The following CSRNP3 variants were observed in gnomAD, a reference collection of about 807,000 sequenced individuals.
The protein encoded by CSRNP3 is cysteine and serine rich nuclear protein 3, also known as cysteine/serine-rich nuclear protein 3.
In CSRNP3, 12 loss-of-function variants were observed where a neutral mutation model predicts 48.0. The ratio of observed to expected loss-of-function variants is 0.25; its 90% CI spans 0.16 to 0.41. CSRNP3 has a LOEUF of 0.41. Ranked by LOEUF, CSRNP3 falls within the 10% of genes least tolerant of loss-of-function variation. The pLI is 1.00. For missense variants in CSRNP3, 580 were observed against 724.4 expected (o/e 0.80, Z 2.29); for synonymous variants, 263 against 269.7 (o/e 0.98, Z 0.24).
chr2:165,684,716 G>A lies in CSRNP3; in HGVS notation c.*4963G>A, dbSNP rs1687602622. The A allele has an allele frequency of 6.6e-6, 1 of 152,014 alleles. No individual in the cohort carries two copies. Among genetic ancestry groups the A allele is most frequent in the Non-Finnish European group, 1.5e-5 (1 of 67,986 alleles). 9.4% of individuals were successfully genotyped at this position (152,014 alleles called of 1,614,324 possible). On this transcript the variant is annotated 3_prime_UTR_variant, in exon 7 of 7. Coordinates refer to ENST00000651982, the MANE Select transcript of CSRNP3 (RefSeq NM_001172173.2). ...AGCTCATCAGATGTTTTCTATAGTA[G>A]TAAAGAATTTGATTGACTTAATTGA... is the stretch of plus-strand genomic sequence containing the variant.
intron 3 of CSRNP3, among the ~76,000 whole-genome samples, chr2:165,520,193 C>G (rs912422276): frequency 2.6e-5 from 4 of 151,996 alleles, no homozygotes; most frequent in African/African-American, 9.7e-5. Context: ...GAAATTAAAT[C>G]AATTTTGTGC....
intron 2 of CSRNP3, among the ~76,000 whole-genome samples, chr2:165,513,038 G>C (rs1239336577): frequency 6.6e-6 from 1 of 152,142 alleles, no homozygotes; most frequent in Non-Finnish European, 1.5e-5. Context: ...CCAGGAGGCG[G>C]AGGTTGCAGT....
At chr2:165,566,424 A>T (rs1231879134) in intron 3 of CSRNP3, among the ~76,000 whole-genome samples, 1 of 151,696 alleles carries the variant, frequency 6.6e-6, no homozygotes, top group Non-Finnish European at 1.5e-5. Flanking sequence ...CAGTAGAGCC[A>T]TAATGGGTTA....
intron 3 of CSRNP3, among the ~76,000 whole-genome samples, chr2:165,584,973 C>T (rs1685604315): frequency 6.6e-6 from 1 of 152,132 alleles, no homozygotes; most frequent in Non-Finnish European, 1.5e-5. Flanking sequence ...CTGTCCTGGG[C>T]CACATTACAG....
intron 6 of CSRNP3, 39 bp downstream of exon 6, chr2:165,676,647 T>C (rs762300895): frequency 6.3e-7 from 1 of 1,577,052 alleles, no homozygotes; most frequent in South Asian, 1.1e-5. Context: ...AGACAAGACA[T>C]TGTCTACCAC....
chr2:165,611,609 C>T (rs1169757291), intron 4 of CSRNP3, among the ~76,000 whole-genome samples: 1 of 152,002 alleles, frequency 6.6e-6, no homozygotes, highest in Non-Finnish European at 1.5e-5. Context: ...AAAAATGATG[C>T]TTACTCTTAC....
intron 5 of CSRNP3, 30 bp downstream of exon 5, chr2:165,658,050 C>G: frequency 6.3e-7 from 1 of 1,594,028 alleles, no homozygotes. Flanking sequence ...TCTGCAAAGT[C>G]TCATATCCTT....
intron 2 of CSRNP3, among the ~76,000 whole-genome samples, chr2:165,500,671 T>C (rs1379749172): frequency 1.3e-5 from 2 of 152,068 alleles, no homozygotes; most frequent in East Asian, 3.9e-4. Flanking sequence ...TTAGCCAGGC[T>C]GGTCTTGAAC....
chr2:165,528,454 G>A (rs1007190810), intron 3 of CSRNP3, among the ~76,000 whole-genome samples: 3 of 152,180 alleles, frequency 2.0e-5, no homozygotes, highest in Admixed American at 2.0e-4. Flanking sequence ...ACTGTTTCAG[G>A]TCTTAGGTTT....
chr2:165,674,608 C>CATAT (rs200779869), intron 5 of CSRNP3, among the ~76,000 whole-genome samples: 82 of 135,510 alleles, frequency 6.1e-4, no homozygotes, highest in African/African-American at 2.0e-3. Flanking sequence ...AACTCTGAAA[C>CATAT]ATATATATAT....
rs1686799886 is a variant in CSRNP3, at chr2:165,645,698, A to AT, written c.149-12062dup. On this transcript the variant is annotated intron_variant, in intron 4 of 6. Transcript: ENST00000651982. The stretch of plus-strand genomic sequence containing the variant: ...AACTGTCCCTCTCTTAGCTGCCCTT[A>AT]TGACCTCTGCTTTAATTCCAATTCT... Among the ~76,000 whole-genome samples, 7 of 152,194 alleles carry AT rather than the reference A, an allele frequency of 4.6e-5. No homozygotes were observed. The South Asian group carries it at 1.5e-3, about 32-fold the overall frequency.
At chr2:165,571,923 A>C (rs1298076086) in intron 3 of CSRNP3, among the ~76,000 whole-genome samples, 1 of 152,148 alleles carries the variant, frequency 6.6e-6, no homozygotes, top group Non-Finnish European at 1.5e-5. Flanking sequence ...CTTTTTACAA[A>C]AAACAAAACA....
intron 3 of CSRNP3, among the ~76,000 whole-genome samples, chr2:165,583,618 A>G (rs746671758): frequency 2.2e-4 from 33 of 152,206 alleles, no homozygotes; most frequent in African/African-American, 3.6e-4. Context: ...TCAGTAAGAT[A>G]AAGATTGTAA....
intron 3 of CSRNP3, among the ~76,000 whole-genome samples, chr2:165,544,986 G>A (rs10174164): frequency 0.25 from 38,079 of 152,118 alleles, 5,060 homozygotes; most frequent in East Asian, 0.46. Context: ...CAGTGAAGTA[G>A]GAGGAAACCC....
At chr2:165,655,352 A>T (rs1686985312) in intron 4 of CSRNP3, among the ~76,000 whole-genome samples, 1 of 152,198 alleles carries the variant, frequency 6.6e-6, no homozygotes, top group Admixed American at 6.5e-5. Context: ...GACCTTGGCC[A>T]TGTTTTTTAA....
intron 2 of CSRNP3, among the ~76,000 whole-genome samples, chr2:165,510,138 C>A (rs1684482247): frequency 6.6e-6 from 1 of 152,104 alleles, no homozygotes; most frequent in African/African-American, 2.4e-5. Flanking sequence ...ATAGTGTCTG[C>A]AAGATTTATC....
intron 3 of CSRNP3, among the ~76,000 whole-genome samples, chr2:165,544,967 A>G (rs1407654967): frequency 6.6e-6 from 1 of 152,176 alleles, no homozygotes; most frequent in Non-Finnish European, 1.5e-5. Flanking sequence ...GAGAAAGAGA[A>G]GGACCAATCA....
chr2:165,514,881 C>A (rs575273352), intron 2 of CSRNP3, among the ~76,000 whole-genome samples: 47 of 152,288 alleles, frequency 3.1e-4, no homozygotes, highest in African/African-American at 1.0e-3. Context: ...GTAGACTTCA[C>A]CCTAGTGGCT....
chr2:165,564,043 C>G (rs983275947), intron 3 of CSRNP3, among the ~76,000 whole-genome samples: 1 of 152,066 alleles, frequency 6.6e-6, no homozygotes, highest in Non-Finnish European at 1.5e-5. Flanking sequence ...TTTGGTCTAT[C>G]GCCACCTAGG....
Sources: gnomAD v4.1 joint callset for allele counts (sites outside exome capture counted in the v4.1 genomes callset) on GRCh38, gnomAD v4.1.1 for gene constraint, MANE v1.5 for transcripts, NCBI Gene and HGNC (gene_info 2026-07-23, HGNC 2026-07-21) for gene names.